The following RSRC1 variants were observed in gnomAD, a reference collection of about 807,000 sequenced individuals.
The protein encoded by RSRC1 is arginine and serine rich coiled-coil 1, also known as serine/Arginine-related protein 53.
In RSRC1, 39 loss-of-function variants were observed where a neutral mutation model predicts 49.1. The ratio of observed to expected loss-of-function variants is 0.79; its 90% CI spans 0.61 to 1.04. RSRC1 has a LOEUF of 1.04. RSRC1 is among the 50% of genes least tolerant of loss of function. The pLI, the probability that RSRC1 is intolerant of heterozygous loss-of-function variation, is 0.00. For missense variants in RSRC1, 388 were observed against 402.4 expected (o/e 0.96, Z 0.31); for synonymous variants, 143 against 130.8 (o/e 1.09, Z -0.63).
chr3:158,506,116 TAAA>T (rs1159200956), intron 7 of RSRC1, among the ~76,000 whole-genome samples: 4 of 152,108 alleles, frequency 2.6e-5, no homozygotes, highest in African/African-American at 9.7e-5. Context: ...CATCAACCTA[TAAA>T]GCTTGTGCTC....
At chr3:158,303,635 A>C (rs548480308) in intron 5 of RSRC1, 1 of 152,308 alleles carries the variant, frequency 6.6e-6, no homozygotes, top group South Asian at 2.1e-4. Flanking sequence ...CCTTAAATTG[A>C]AAGACATGTG....
At chr3:158,308,302 A>G (rs1276474731) in intron 5 of RSRC1, among the ~76,000 whole-genome samples, 1 of 152,028 alleles carries the variant, frequency 6.6e-6, no homozygotes, top group Non-Finnish European at 1.5e-5. Context: ...AAAAGCTGAC[A>G]AGATTTCCAC....
intron 7 of RSRC1, among the ~76,000 whole-genome samples, chr3:158,516,294 T>G (rs1225426710): frequency 6.6e-6 from 1 of 151,974 alleles, no homozygotes. Flanking sequence ...GTCCTTTCTG[T>G]TTGTTAGTTT....
chr3:158,508,463 A>G (rs1739979837), intron 7 of RSRC1, among the ~76,000 whole-genome samples: 2 of 151,500 alleles, frequency 1.3e-5, no homozygotes, highest in African/African-American at 2.4e-5. Flanking sequence ...AGTCTGTGTC[A>G]TACATGTCGT....
intron 4 of RSRC1, among the ~76,000 whole-genome samples, chr3:158,226,631 T>G (rs1204308749): frequency 6.6e-6 from 1 of 151,926 alleles, no homozygotes; most frequent in Non-Finnish European, 1.5e-5. Flanking sequence ...GACTCCATGG[T>G]AAAGTACATG....
rs74388180 is a variant in RSRC1, at chr3:158,405,317, A to C, written c.583+50409A>C. 7.6e-3 allele frequency among the ~76,000 whole-genome samples: 1,157 copies of C among 152,202 alleles called. 21 individuals carry two copies. The highest frequency in any genetic ancestry group is 0.026 in the African/African-American group (1,090 of 41,552). ...TACTGCAATGATAAACTATATCTAC[A>C]TACAGTTTTACATTAATCTTCATGC... On this transcript the variant is annotated intron_variant, in intron 6 of 9. Transcript: ENST00000611884.
At chr3:158,432,908 G>C (rs1181559442) in intron 6 of RSRC1, among the ~76,000 whole-genome samples, 1 of 151,626 alleles carries the variant, frequency 6.6e-6, no homozygotes, top group Admixed American at 6.6e-5. Context: ...ATATACTATA[G>C]TTACTTACAA....
intron 6 of RSRC1, among the ~76,000 whole-genome samples, chr3:158,395,612 CA>C (rs1733571782): frequency 6.6e-6 from 1 of 151,980 alleles, no homozygotes; most frequent in Non-Finnish European, 1.5e-5. Flanking sequence ...ATATGCAAAC[CA>C]AAACCACAAT....
chr3:158,473,115 G>T (rs767916620), intron 7 of RSRC1, among the ~76,000 whole-genome samples: 1 of 152,200 alleles, frequency 6.6e-6, no homozygotes, highest in South Asian at 2.1e-4. Context: ...GCGATTCCTC[G>T]TGGATCTAGA....
chr3:158,468,827 C>T (rs1560056223), intron 7 of RSRC1, among the ~76,000 whole-genome samples: 3 of 151,986 alleles, frequency 2.0e-5, no homozygotes, highest in Non-Finnish European at 4.4e-5. Context: ...AAATTTAACA[C>T]CTTTACAAAA....
At chr3:158,111,866 A>G (rs558932583) in intron 1 of RSRC1, among the ~76,000 whole-genome samples, 94 of 152,344 alleles carry the variant, frequency 6.2e-4, no homozygotes, top group African/African-American at 1.8e-3. Flanking sequence ...ACCCTTATCA[A>G]TAACTGGACA....
rs150351512 is a variant in RSRC1, at chr3:158,474,714, A to G, written c.652+13711A>G. Reference sequence around the variant, plus strand: ...TTCAGGAAATTGTAGCCATTCAGTCATATCTTCAGGCTCCACTTCTAATTC... The same window carrying G: ...TTCAGGAAATTGTAGCCATTCAGTCGTATCTTCAGGCTCCACTTCTAATTC... On this transcript the variant is annotated intron_variant, in intron 7 of 9. Coordinates refer to ENST00000611884, the MANE Select transcript of RSRC1 (RefSeq NM_001271838.2). Among the ~76,000 whole-genome samples, 683 of 152,278 alleles carry G rather than the reference A, an allele frequency of 4.5e-3. 10 individuals are homozygous for G. The East Asian group carries it at 0.048, about 11-fold the overall frequency.
chr3:158,336,114 C>T (rs1672179559), intron 5 of RSRC1, among the ~76,000 whole-genome samples: 1 of 152,218 alleles, frequency 6.6e-6, no homozygotes, highest in Non-Finnish European at 1.5e-5. Context: ...CACATTTTGC[C>T]TACTCACTTG....
intron 3 of RSRC1, among the ~76,000 whole-genome samples, chr3:158,180,055 T>C (rs909530132): frequency 2.6e-5 from 4 of 152,202 alleles, no homozygotes; most frequent in African/African-American, 9.6e-5. Context: ...TAACTTGTTT[T>C]GTCCTTTTTT....
At chr3:158,325,068 T>C (rs1559993480) in intron 5 of RSRC1, among the ~76,000 whole-genome samples, 1 of 152,196 alleles carries the variant, frequency 6.6e-6, no homozygotes, top group Non-Finnish European at 1.5e-5. Context: ...TGCCCACTTG[T>C]TGATGGGGTT....
At chr3:158,394,056 C>T (rs1029295771) in intron 6 of RSRC1, among the ~76,000 whole-genome samples, 13 of 152,086 alleles carry the variant, frequency 8.5e-5, no homozygotes, top group African/African-American at 2.2e-4. Context: ...ACAGAAACCA[C>T]ATGATCATCT....
At chr3:158,440,132 A>G (rs555130734) in intron 6 of RSRC1, among the ~76,000 whole-genome samples, 6 of 152,220 alleles carry the variant, frequency 3.9e-5, no homozygotes, top group African/African-American at 1.4e-4. Flanking sequence ...TTAAAATAAA[A>G]TTTTTTAAAA....
chr3:158,445,965 AGCCGTCAGTCTGT>A (rs1736686173), intron 6 of RSRC1, among the ~76,000 whole-genome samples: 1 of 152,166 alleles, frequency 6.6e-6, no homozygotes, highest in African/African-American at 2.4e-5. Flanking sequence ...GACCATATTC[AGCCGTCAGTCTGT>A]TTTGCAAACT....
At chr3:158,119,562 GAA>G in intron 1 of RSRC1, among the ~76,000 whole-genome samples, 1 of 151,928 alleles carries the variant, frequency 6.6e-6, no homozygotes, top group African/African-American at 2.4e-5. Flanking sequence ...GCCAAGAAAT[GAA>G]ATTATTATCA....
Sources: allele counts gnomAD v4.1 joint callset (sites outside exome capture counted in the v4.1 genomes callset), GRCh38; gene constraint gnomAD v4.1.1; transcripts MANE v1.5; gene names NCBI Gene and HGNC (gene_info 2026-07-23, HGNC 2026-07-21).